Variants in CTNNA3 observed in about 807,000 individuals in gnomAD.
CTNNA3 encodes the protein catenin alpha 3.
Under a neutral mutation model 95.7 loss-of-function variants are expected in CTNNA3, and 76 were observed. That is an observed-to-expected ratio of 0.79 (90% CI 0.66 to 0.96). CTNNA3 has a LOEUF of 0.96. CTNNA3 is among the 40% of genes least tolerant of loss of function. The pLI, the probability that CTNNA3 is intolerant of heterozygous loss-of-function variation, is 0.00. For synonymous variants in CTNNA3, 431 were observed against 374.4 expected (o/e 1.15, Z -1.74); for missense variants, 1,191 against 1,089.8 (o/e 1.09, Z -1.31).
chr10:66,003,166 A>G (rs1214014601), intron 15 of CTNNA3, among the ~76,000 whole-genome samples: 1 of 152,232 alleles, frequency 6.6e-6, no homozygotes, highest in African/African-American at 2.4e-5. Flanking sequence ...CAAAAATTAC[A>G]TGAATTCTAC....
At chr10:66,212,048 G>T (rs72797220) in intron 13 of CTNNA3, among the ~76,000 whole-genome samples, 32,938 of 140,734 alleles carry the variant, frequency 0.23, 6,371 homozygotes, top group African/African-American at 0.54. Context: ...GGAATGCAGT[G>T]GCGCGATCTC....
rs1425493252 is a variant in CTNNA3, at chr10:66,076,905, C to A, written c.1978-7416G>T. 2.0e-5 allele frequency among the ~76,000 whole-genome samples: 3 copies of A among 151,756 alleles called. No individual in the cohort carries two copies. The East Asian group carries it at 5.8e-4, about 29-fold the overall frequency. Reference sequence around the variant, plus strand: ...CATTTGCAGATCTCCTATAATGAAACCCTCTCCAATGTTTTATTTCTTTTT... The same window carrying A: ...CATTTGCAGATCTCCTATAATGAAAACCTCTCCAATGTTTTATTTCTTTTT... On this transcript the variant is annotated intron_variant, in intron 14 of 17. Transcript: ENST00000433211.
rs1333237006 is a variant in CTNNA3 at position 67,692,452 on chromosome 10, GCT to G, written c.-6+3546_-6+3547del. On this transcript the variant is annotated intron_variant, in intron 1 of 17. Transcript: ENST00000433211. ...TCTGTGACCTTACCCCCAACCCTGTGCTCTCTGAAACATGTGCTGTATCCACT... is the reference window on the plus strand; with the variant it reads ...TCTGTGACCTTACCCCCAACCCTGTGCTCTGAAACATGTGCTGTATCCACT... 1.2e-3 allele frequency among the ~76,000 whole-genome samples: 158 copies of G among 132,552 alleles called. 1 individual carries two copies. The highest frequency in any genetic ancestry group is 4.5e-3 in the African/African-American group (152 of 33,996). The allele number at this position is 132,552 out of a possible 152,430, so 87.0% of individuals were successfully genotyped here.
At chr10:67,247,227 G>A (rs144347627) in intron 5 of CTNNA3, among the ~76,000 whole-genome samples, 1 of 152,250 alleles carries the variant, frequency 6.6e-6, no homozygotes, top group Non-Finnish European at 1.5e-5. Flanking sequence ...CTTTGCAGAT[G>A]CCATAATCTT....
chr10:66,107,450 T>C lies in CTNNA3; in HGVS notation c.1885-4201A>G, dbSNP rs2081954945. Among the ~76,000 whole-genome samples the C allele has an allele frequency of 2.0e-5, 3 of 152,320 alleles. No homozygotes were observed. The South Asian group carries it at 6.2e-4, about 32-fold the overall frequency. On this transcript the variant is annotated intron_variant, in intron 13 of 17. Transcript: ENST00000433211. Reference sequence around the variant, plus strand: ...AATACTGAATTATTAATATTGTTTATGAATATTATAGATTATCATTACTGT... The same window carrying C: ...AATACTGAATTATTAATATTGTTTACGAATATTATAGATTATCATTACTGT...
intron 7 of CTNNA3, among the ~76,000 whole-genome samples, chr10:67,096,753 T>C (rs1451630928): frequency 1.3e-5 from 2 of 151,910 alleles, no homozygotes; most frequent in African/African-American, 4.8e-5. Context: ...GAACTTGCTT[T>C]CTTTAGTTGG....
At chr10:67,592,132 T>C (rs1197611671) in intron 3 of CTNNA3, among the ~76,000 whole-genome samples, 1 of 152,092 alleles carries the variant, frequency 6.6e-6, no homozygotes, top group African/African-American at 2.4e-5. Context: ...CAAGGACCTA[T>C]CAGCATGCAG....
intron 10 of CTNNA3, among the ~76,000 whole-genome samples, chr10:66,529,450 G>GTTT (rs58249940): frequency 4.2e-4 from 59 of 141,596 alleles, no homozygotes; most frequent in Admixed American, 2.1e-3. Context: ...TTTTTTTTTT[G>GTTT]TTTTTTTTTT....
At chr10:66,841,940 C>CT (rs1324712843) in intron 7 of CTNNA3, among the ~76,000 whole-genome samples, 3 of 152,028 alleles carry the variant, frequency 2.0e-5, no homozygotes, top group Non-Finnish European at 4.4e-5. Context: ...CCATGTGCTA[C>CT]TTTTTTTCTT....
chr10:66,210,640 C>T lies in CTNNA3; in HGVS notation c.1884+69830G>A, dbSNP rs149575896. Among the ~76,000 whole-genome samples, 1,183 of 151,914 alleles carry T rather than the reference C, an allele frequency of 7.8e-3. 12 individuals are homozygous for T. Among genetic ancestry groups the T allele is most frequent in the East Asian group, 0.031 (162 of 5,154 alleles). Reference sequence around the variant, plus strand: ...TTACAGAAATTTAAATTTATGTTAACGTACCACTTAAAATTGCATTAAATA... The same window carrying T: ...TTACAGAAATTTAAATTTATGTTAATGTACCACTTAAAATTGCATTAAATA... On this transcript the variant is annotated intron_variant, in intron 13 of 17. Transcript: ENST00000433211.
chr10:66,022,358 C>A (rs866627308), intron 15 of CTNNA3, among the ~76,000 whole-genome samples: 1 of 152,016 alleles, frequency 6.6e-6, no homozygotes, highest in Non-Finnish European at 1.5e-5. Flanking sequence ...TCAACCTATG[C>A]GCAAAGTACA....
intron 10 of CTNNA3, among the ~76,000 whole-genome samples, chr10:66,546,076 A>G (rs796629494): frequency 3.9e-5 from 6 of 151,992 alleles, no homozygotes; most frequent in African/African-American, 1.4e-4. Context: ...GTATTTTGAT[A>G]AACACAGGTC....
intron 13 of CTNNA3, among the ~76,000 whole-genome samples, chr10:66,214,386 CA>C (rs1314603792): frequency 5.9e-5 from 9 of 152,028 alleles, no homozygotes; most frequent in Non-Finnish European, 1.2e-4. Context: ...ACAATAAGGA[CA>C]AAAAATTTTA....
intron 5 of CTNNA3, among the ~76,000 whole-genome samples, chr10:67,504,950 G>A (rs558168797): frequency 1.3e-5 from 2 of 152,224 alleles, no homozygotes; most frequent in Non-Finnish European, 1.5e-5. Context: ...TCCCCCAGTT[G>A]TTAAATGAAT....
chr10:66,311,834 G>A (rs1232420899), intron 12 of CTNNA3, among the ~76,000 whole-genome samples: 2 of 152,112 alleles, frequency 1.3e-5, no homozygotes, highest in African/African-American at 4.8e-5. Flanking sequence ...GAATTTCAGG[G>A]TCCTGATTTT....
chr10:65,976,777 T>A (rs1446726562), intron 16 of CTNNA3, among the ~76,000 whole-genome samples: 1 of 152,162 alleles, frequency 6.6e-6, no homozygotes, highest in Non-Finnish European at 1.5e-5. Flanking sequence ...TTGGGCCACT[T>A]TTATGTATTC....
At chr10:67,589,874 C>T (rs12261169) in intron 3 of CTNNA3, among the ~76,000 whole-genome samples, 19,506 of 152,084 alleles carry the variant, frequency 0.13, 2,263 homozygotes, top group African/African-American at 0.3. Flanking sequence ...AGACTTGTTA[C>T]ACACAGATCA....
In CTNNA3 at chr10:67,391,524, T is replaced by C. The variant is rs548529836; in HGVS notation, c.579+130318A>G. ...AATGCCATCCCCATCAAGCTACCAA[T>C]GCCTTTCTTCACAGAATTGGAAAAA... On this transcript the variant is annotated intron_variant, in intron 5 of 17. Coordinates refer to ENST00000433211, the MANE Select transcript of CTNNA3 (RefSeq NM_013266.4). 1.1e-4 allele frequency among the ~76,000 whole-genome samples: 16 copies of C among 151,970 alleles called. 1 individual carries two copies. In the South Asian group the frequency reaches 3.1e-3, roughly 30 times the overall value.
intron 10 of CTNNA3, among the ~76,000 whole-genome samples, chr10:66,579,184 A>AC (rs1445970550): frequency 6.6e-6 from 1 of 151,744 alleles, no homozygotes; most frequent in African/African-American, 2.4e-5. Context: ...CTGTAAAGTC[A>AC]CGTTTTTCAT....
Sources: allele counts gnomAD v4.1 joint callset (sites outside exome capture counted in the v4.1 genomes callset), GRCh38; gene constraint gnomAD v4.1.1; transcripts MANE v1.5; gene names NCBI Gene and HGNC (gene_info 2026-07-23, HGNC 2026-07-21).